ZNF19: variants seen among roughly 807,000 people sequenced by gnomAD.
ZNF19 encodes the protein zinc finger protein 19.
A neutral mutation model predicts 13.1 loss-of-function variants in ZNF19; 11 were observed. That is an observed-to-expected ratio of 0.84 (90% CI 0.53 to 1.39). The LOEUF (loss-of-function observed/expected upper bound fraction) is 1.39, where lower values mean the gene tolerates loss of function less well. ZNF19 is among the 40% of genes most tolerant of loss of function. ZNF19 has a pLI of 0.00. For missense variants in ZNF19, 560 were observed against 547.0 expected, an observed-to-expected ratio of 1.02 and a Z score of -0.24; for synonymous variants, 186 against 187.0, an observed-to-expected ratio of 0.99 and a Z score of 0.04.
Position 71,475,538 on chromosome 16 carries a change from C to CT in ZNF19, c.1008dup (p.Ala337SerfsTer17). ...GTTAGTTTTGTATGAAAATTGAAGG[C>CT]TTGTCCACATACTTTACAAGAATAA... On this transcript the variant is annotated frameshift_variant, in exon 6 of 6. Coordinates refer to ENST00000288177, the MANE Select transcript of ZNF19 (RefSeq NM_006961.4). LOFTEE classifies it low-confidence loss of function (END_TRUNC). 6.2e-7 allele frequency: 1 copy of CT among 1,614,124 alleles called. No individual in the cohort carries two copies. Among genetic ancestry groups the CT allele is most frequent in the Non-Finnish European group, 8.5e-7 (1 of 1,180,024 alleles).
At chr16:71,478,571 A>G in intron 4 of ZNF19, 1 of 688,792 alleles carries the variant, frequency 1.5e-6, no homozygotes, top group Non-Finnish European at 2.6e-6. Context: ...AAACACAGGG[A>G]AGGGGACATG....
intron 1 of ZNF19, chr16:71,488,996 G>A (rs573105048): frequency 4.6e-5 from 7 of 153,596 alleles, no homozygotes; most frequent in African/African-American, 1.7e-4. Flanking sequence ...TGGAGTCCTT[G>A]CCTCTCCTGG....
At chr16:71,481,635 A>G (rs2043637579) in intron 3 of ZNF19, among the ~76,000 whole-genome samples, 1 of 152,082 alleles carries the variant, frequency 6.6e-6, no homozygotes, top group Non-Finnish European at 1.5e-5. Context: ...TGAAGCCCAA[A>G]CTTCCTCCTT....
Position 71,478,313 on chromosome 16 carries a change from G to C in ZNF19, c.189C>G (p.Ile63Met), listed in dbSNP as rs1358296690. 1 of 1,613,860 alleles carries C rather than the reference G, an allele frequency of 6.2e-7. No individual in the cohort carries two copies. Among genetic ancestry groups the C allele is most frequent in the African/African-American group, 1.3e-5 (1 of 74,904 alleles). Reference sequence around the variant, plus strand: ...CCATGTCCCCTCTCTCCAAAAGTGAGATCAGTGCAGGTTTGGGAACTGGGT... The same window carrying C: ...CCATGTCCCCTCTCTCCAAAAGTGACATCAGTGCAGGTTTGGGAACTGGGT... ...LGYPVPKPALISLLERGDMAW... is the reference protein window; with the variant it reads ...LGYPVPKPALMSLLERGDMAW... Residue 63 changes from isoleucine (I) to methionine (M), a missense_variant, in exon 5 of 6, where the codon ATC (isoleucine) becomes ATG (methionine). Ile to Met is a conservative substitution (Grantham distance 10). Transcript: ENST00000288177.
chr16:71,485,879 C>G (rs1344740338), intron 1 of ZNF19, among the ~76,000 whole-genome samples: 1 of 152,194 alleles, frequency 6.6e-6, no homozygotes, highest in Non-Finnish European at 1.5e-5. Context: ...AAAGGAACCT[C>G]ATAACCATCA....
chr16:71,476,102 C>G lies in ZNF19; in HGVS notation c.445G>C (p.Gly149Arg). The G allele has an allele frequency of 6.2e-7, 1 of 1,614,140 alleles. No individual in the cohort carries two copies. The highest frequency in any genetic ancestry group is 8.5e-7 in the Non-Finnish European group (1 of 1,180,026). The change falls in exon 6 of 6, where the codon GGA (glycine) becomes CGA (arginine). Residue 149 changes from glycine to arginine, a missense_variant. Gly to Arg is a moderately radical substitution (Grantham distance 125). Transcript: ENST00000288177. The stretch of plus-strand genomic sequence containing the variant: ...GCACAGGGGATTCTTGGAACCTTTC[C>G]TTGGATATTTTTCACTGTGGGGATG... ...QDIPTVKNIQGKVPRIPCARK... is the reference protein window; with the variant it reads ...QDIPTVKNIQRKVPRIPCARK...
intron 1 of ZNF19, among the ~76,000 whole-genome samples, chr16:71,488,076 T>A (rs767095165): frequency 1.1e-4 from 16 of 152,048 alleles, no homozygotes; most frequent in Admixed American, 3.3e-4. Flanking sequence ...AAAAGGCACA[T>A]AGGTCAGACA....
intron 5 of ZNF19, 199 bp downstream of exon 5, chr16:71,478,029 C>A: frequency 1.9e-6 from 1 of 534,610 alleles, no homozygotes. Flanking sequence ...CAGAAAGGAA[C>A]AATGGATTCA....
chr16:71,477,127 G>C (rs1381932824), intron 5 of ZNF19, among the ~76,000 whole-genome samples: 2 of 152,172 alleles, frequency 1.3e-5, no homozygotes, highest in Non-Finnish European at 2.9e-5. Flanking sequence ...GATGGGCTTG[G>C]TTTTAACATT....
chr16:71,481,698 G>C (rs146513844), intron 3 of ZNF19, among the ~76,000 whole-genome samples: 1 of 152,232 alleles, frequency 6.6e-6, no homozygotes, highest in Middle Eastern at 3.4e-3. Flanking sequence ...TCTTCCTGCT[G>C]TCCCTCTGCT....
In ZNF19 at chr16:71,477,593, C is replaced by G. The variant is rs2043610762; in HGVS notation, c.274+635G>C. 2.0e-5 allele frequency among the ~76,000 whole-genome samples: 3 copies of G among 152,174 alleles called. No individual in the cohort carries two copies. In the South Asian group the frequency reaches 6.3e-4, roughly 32 times the overall value. ...TTTCTTCCTGGGGATCGTTTCAACC[C>G]AGCTGTGTTAGAGTACTGTTTCAGA... On this transcript the variant is annotated intron_variant, in intron 5 of 5. Coordinates refer to ENST00000288177, the MANE Select transcript of ZNF19 (RefSeq NM_006961.4).
chr16:71,487,092 C>T (rs916525679), intron 1 of ZNF19: 1 of 152,130 alleles, frequency 6.6e-6, no homozygotes, highest in Non-Finnish European at 1.5e-5. Flanking sequence ...GTCTTCCCAG[C>T]CAATGTATCA....
rs181000621 is a variant in ZNF19 at position 71,478,110 on chromosome 16, A to G, written c.274+118T>C. 14 of 685,388 alleles carry G rather than the reference A, an allele frequency of 2.0e-5. No homozygotes were observed. In the East Asian group the frequency reaches 3.5e-4, roughly 17 times the overall value. 42.5% of individuals were successfully genotyped at this position (685,388 alleles called of 1,614,324 possible). ...TTAAGATTGGTGAGAAACGTTTCAT[A>G]TTTTACCTATTAGGTGAAATCATCT... On this transcript the variant is annotated intron_variant, in intron 5 of 5. Transcript: ENST00000288177.
chr16:71,488,979 A>C (rs910690174), intron 1 of ZNF19: 3 of 152,630 alleles, frequency 2.0e-5, no homozygotes, highest in Non-Finnish European at 4.4e-5. Context: ...AGGAGGTAGG[A>C]ATCAGCTGGA....
chr16:71,484,060 T>C lies in ZNF19; in HGVS notation c.-30+529A>G, dbSNP rs16973239. Among the ~76,000 whole-genome samples, 1,158 of 152,370 alleles carry C rather than the reference T, an allele frequency of 7.6e-3. 14 individuals carry two copies. The highest frequency in any genetic ancestry group is 0.026 in the African/African-American group (1,079 of 41,572). On this transcript the variant is annotated intron_variant, in intron 2 of 5. Transcript: ENST00000288177. ...AGTCAAAGGAGAGTGTGCTGTTAGA[T>C]GATGCTGAAGAAGTCACAAGGGACA...
intron 2 of ZNF19, among the ~76,000 whole-genome samples, chr16:71,482,868 A>G (rs2043646425): frequency 6.6e-6 from 1 of 152,188 alleles, no homozygotes; most frequent in African/African-American, 2.4e-5. Flanking sequence ...CACCTGGCTC[A>G]TTTTTGTAAT....
chr16:71,483,270 T>C (rs1017614022), intron 2 of ZNF19, among the ~76,000 whole-genome samples: 1 of 152,258 alleles, frequency 6.6e-6, no homozygotes, highest in Non-Finnish European at 1.5e-5. Flanking sequence ...ATCTGGGTTA[T>C]TGTTTTAACT....
Position 71,474,119 on chromosome 16 carries a change from A to G in ZNF19, c.*1051T>C, listed in dbSNP as rs932418515. On this transcript the variant is annotated 3_prime_UTR_variant, in exon 6 of 6. Coordinates refer to ENST00000288177, the MANE Select transcript of ZNF19 (RefSeq NM_006961.4). The stretch of plus-strand genomic sequence containing the variant: ...CAGCGGAAGGACACGTGGGAGAAAA[A>G]AAGGGTGCAGTTTGTGTTCATCACC... 1 of 152,206 alleles carries G rather than the reference A, an allele frequency of 6.6e-6. No homozygotes were observed. The highest frequency in any genetic ancestry group is 1.9e-4 in the East Asian group (1 of 5,192). 9.4% of individuals were successfully genotyped at this position (152,206 alleles called of 1,614,324 possible).
rs764410500 is a variant in ZNF19 at position 71,475,100 on chromosome 16, G to T, written c.*70C>A. On this transcript the variant is annotated 3_prime_UTR_variant, in exon 6 of 6. Coordinates refer to ENST00000288177, the MANE Select transcript of ZNF19 (RefSeq NM_006961.4). ...AGGGATGGATCAGAGGCTGAGTCAG[G>T]CCTGTGTCACACATTCCATTCCTGA... The T allele has an allele frequency of 8.6e-5, 126 of 1,472,406 alleles. No homozygotes were observed. The highest frequency in any genetic ancestry group is 1.1e-4 in the Non-Finnish European group (117 of 1,103,722). The allele number at this position is 1,472,406 out of a possible 1,614,324, so 91.2% of individuals were successfully genotyped here. A position where few individuals can be genotyped will look rare whatever the true frequency, so the allele number is the denominator to read the frequency against.
Sources: allele counts gnomAD v4.1 joint callset (sites outside exome capture counted in the v4.1 genomes callset), GRCh38; gene constraint gnomAD v4.1.1; transcripts MANE v1.5; gene names NCBI Gene and HGNC (gene_info 2026-07-23, HGNC 2026-07-21).